TPRG1: variants seen among roughly 807,000 people sequenced by gnomAD.
TPRG1 encodes the protein tumor protein p63 regulated 1, also known as tumor protein p63-regulated gene 1 protein.
Under a neutral mutation model 29.3 loss-of-function variants are expected in TPRG1, and 29 were observed. The observed-to-expected ratio is 0.99, with a 90% CI of 0.74 to 1.35. The LOEUF is 1.35. Ranked by LOEUF, TPRG1 falls within the 40% of genes most tolerant of loss-of-function variation. The probability of loss-of-function intolerance (pLI) is 0.00; values close to 1 mark genes in which losing one functional copy is unlikely to be tolerated. For synonymous variants in TPRG1, 130 were observed against 116.8 expected (o/e 1.11, Z -0.73); for missense variants, 327 against 335.0 (o/e 0.98, Z 0.19).
At chr3:189,163,217 G>T (rs550814639) in intron 5 of TPRG1, among the ~76,000 whole-genome samples, 2 of 152,130 alleles carry the variant, frequency 1.3e-5, no homozygotes, top group Non-Finnish European at 2.9e-5. Context: ...AGGGTGCAGC[G>T]AGCCAAGATG....
At chr3:189,085,835 G>T (rs193145070) in intron 4 of TPRG1, among the ~76,000 whole-genome samples, 3 of 152,176 alleles carry the variant, frequency 2.0e-5, no homozygotes, top group Admixed American at 1.3e-4. Context: ...GGATATGGAT[G>T]TATTTCATTC....
chr3:189,031,805 G>A (rs781670326), intron 4 of TPRG1, among the ~76,000 whole-genome samples: 1 of 152,138 alleles, frequency 6.6e-6, no homozygotes, highest in Non-Finnish European at 1.5e-5. Flanking sequence ...ATATTAAAAA[G>A]TGTTTCCTAA....
chr3:189,187,050 C>G (rs1731028388), intron 1 of TPRG1, among the ~76,000 whole-genome samples: 1 of 144,046 alleles, frequency 6.9e-6, no homozygotes, highest in African/African-American at 2.6e-5. Context: ...ACAGTGGCAC[C>G]ATTTCGGCTC....
At chr3:189,088,765 T>C (rs1044937768) in intron 4 of TPRG1, among the ~76,000 whole-genome samples, 2 of 152,148 alleles carry the variant, frequency 1.3e-5, no homozygotes, top group African/African-American at 2.4e-5. Flanking sequence ...TCGTCTCAAG[T>C]AGTGAAAAAA....
intron 4 of TPRG1, among the ~76,000 whole-genome samples, chr3:189,264,041 AATGCCAT>A (rs1713605852): frequency 6.6e-6 from 1 of 152,126 alleles, no homozygotes; most frequent in South Asian, 2.1e-4. Flanking sequence ...ACTATTTAGA[AATGCCAT>A]ATGAAGTCTC....
intron 4 of TPRG1, among the ~76,000 whole-genome samples, chr3:189,249,178 G>T (rs73061033): frequency 0.074 from 11,161 of 151,182 alleles, 579 homozygotes; most frequent in African/African-American, 0.15. Flanking sequence ...TATATATATG[G>T]CTACTTGATT....
At chr3:189,036,587 T>C (rs1307471842) in intron 4 of TPRG1, among the ~76,000 whole-genome samples, 2 of 151,886 alleles carry the variant, frequency 1.3e-5, no homozygotes, top group Non-Finnish European at 2.9e-5. Flanking sequence ...AAAGGAGGAA[T>C]AATAAAATAA....
intron 4 of TPRG1, among the ~76,000 whole-genome samples, chr3:189,082,522 G>C (rs1717660332): frequency 6.6e-6 from 1 of 152,042 alleles, no homozygotes; most frequent in East Asian, 1.9e-4. Context: ...CAGTCTTCTG[G>C]GCTTTATCTG....
chr3:189,258,782 C>G (rs1712411454), intron 4 of TPRG1, among the ~76,000 whole-genome samples: 1 of 152,146 alleles, frequency 6.6e-6, no homozygotes, highest in Non-Finnish European at 1.5e-5. Flanking sequence ...TCCGAACTTC[C>G]CAGTGGCTTT....
chr3:189,036,260 G>A (rs1301106226), intron 4 of TPRG1, among the ~76,000 whole-genome samples: 1 of 152,122 alleles, frequency 6.6e-6, no homozygotes, highest in East Asian at 1.9e-4. Context: ...GGGACCACTA[G>A]AGAGGGGAGG....
intron 3 of TPRG1, among the ~76,000 whole-genome samples, chr3:189,018,166 C>A (rs1197277799): frequency 2.0e-5 from 3 of 150,218 alleles, no homozygotes; most frequent in African/African-American, 7.4e-5. Flanking sequence ...AAAATTTTCT[C>A]CCATTTTGTA....
At chr3:189,059,048 G>A (rs556282409) in intron 4 of TPRG1, among the ~76,000 whole-genome samples, 1 of 152,244 alleles carries the variant, frequency 6.6e-6, no homozygotes, top group African/African-American at 2.4e-5. Context: ...CAGAGTAGTA[G>A]CAGTTCTGGC....
chr3:189,196,065 C>T (rs1732485376), intron 1 of TPRG1, among the ~76,000 whole-genome samples: 1 of 152,166 alleles, frequency 6.6e-6, no homozygotes, highest in Non-Finnish European at 1.5e-5. Context: ...CATAGGCCAA[C>T]AAAGCTTTCT....
At chr3:189,081,602 A>G (rs1717598923) in intron 4 of TPRG1, among the ~76,000 whole-genome samples, 1 of 152,240 alleles carries the variant, frequency 6.6e-6, no homozygotes. Flanking sequence ...ACAGACCAAG[A>G]AAACACCTTA....
intron 4 of TPRG1, among the ~76,000 whole-genome samples, chr3:189,255,219 G>A (rs1711621296): frequency 6.6e-6 from 1 of 152,114 alleles, no homozygotes; most frequent in Non-Finnish European, 1.5e-5. Flanking sequence ...TTTATCGAGT[G>A]TTTTTAGCAT....
chr3:189,315,566 T>C (rs1723378194), intron 5 of TPRG1: 1 of 450,776 alleles, frequency 2.2e-6, no homozygotes, highest in Admixed American at 2.4e-5. Context: ...GCATTATGTG[T>C]GCCCTACAAC....
intron 4 of TPRG1, among the ~76,000 whole-genome samples, chr3:189,031,664 A>G (rs1028002279): frequency 6.6e-6 from 1 of 152,220 alleles, no homozygotes; most frequent in African/African-American, 2.4e-5. Context: ...CACAAAATAC[A>G]AATATGTATA....
intron 4 of TPRG1, among the ~76,000 whole-genome samples, chr3:189,246,358 A>G (rs1435137740): frequency 6.6e-6 from 1 of 152,186 alleles, no homozygotes; most frequent in Non-Finnish European, 1.5e-5. Flanking sequence ...CAGTATAAAA[A>G]GGGAGTAATA....
At chr3:189,027,282 C>G (rs1713712427) in intron 4 of TPRG1, among the ~76,000 whole-genome samples, 1 of 152,150 alleles carries the variant, frequency 6.6e-6, no homozygotes, top group African/African-American at 2.4e-5. Flanking sequence ...TCACTCTGAC[C>G]CTGCCAAAAG....
Sources: gnomAD v4.1 joint callset for allele counts (sites outside exome capture counted in the v4.1 genomes callset) on GRCh38, gnomAD v4.1.1 for gene constraint, MANE v1.5 for transcripts, NCBI Gene and HGNC (gene_info 2026-07-23, HGNC 2026-07-21) for gene names.